F5: variants seen among roughly 807,000 people sequenced by gnomAD.
F5 encodes coagulation factor V.
A neutral mutation model predicts 216.4 loss-of-function variants in F5; 138 were observed. The ratio of observed to expected loss-of-function variants is 0.64; its 90% CI spans 0.56 to 0.73. The LOEUF (loss-of-function observed/expected upper bound fraction) is 0.73. Ranked by LOEUF, F5 falls within the 30% of genes least tolerant of loss-of-function variation. The pLI is 0.00. For synonymous variants in F5, 916 were observed against 930.7 expected (o/e 0.98, Z 0.29); for missense variants, 2,403 against 2,674.0 (o/e 0.90, Z 2.24).
chr1:169,551,675 A>G (rs959889983), intron 8 of F5, among the ~76,000 whole-genome samples: 3 of 152,238 alleles, frequency 2.0e-5, no homozygotes, highest in Admixed American at 2.0e-4. Context: ...AGGCTCTTTA[A>G]TCTGCAAAAG....
At chr1:169,583,780 AC>A (rs1443622949) in intron 1 of F5, among the ~76,000 whole-genome samples, 5 of 152,236 alleles carry the variant, frequency 3.3e-5, no homozygotes, top group African/African-American at 1.2e-4. Flanking sequence ...GAATACAGAA[AC>A]TGTGTTAATA....
At chr1:169,586,201 G>C in intron 1 of F5, 28 bp downstream of exon 1, 1 of 1,613,436 alleles carries the variant, frequency 6.2e-7, no homozygotes, top group African/African-American at 1.3e-5. Context: ...CTCTAGAGAA[G>C]CCCACCCGGA....
chr1:169,524,828 AC>A lies in F5; in HGVS notation c.5788+8del. 1 of 1,612,698 alleles carries A rather than the reference AC, an allele frequency of 6.2e-7. No individual in the cohort carries two copies. Among genetic ancestry groups the A allele is most frequent in the Non-Finnish European group, 8.5e-7 (1 of 1,178,772 alleles). ...GGTACCATTCACAGACCATGGTGCT[AC>A]AACTTACCCAGAAACTCTGAAGCCT... On this transcript the variant is annotated splice_region_variant and intron_variant, in intron 19 of 24. Coordinates refer to ENST00000367797, the MANE Select transcript of F5 (RefSeq NM_000130.5).
intron 14 of F5, among the ~76,000 whole-genome samples, chr1:169,534,966 G>C (rs1659672660): frequency 6.6e-6 from 1 of 152,088 alleles, no homozygotes; most frequent in Non-Finnish European, 1.5e-5. Context: ...TCACTTATAA[G>C]TGGGAGCTAA....
At chr1:169,560,246 A>G (rs1317121149) in intron 4 of F5, among the ~76,000 whole-genome samples, 3 of 152,188 alleles carry the variant, frequency 2.0e-5, no homozygotes, top group African/African-American at 2.4e-5. Flanking sequence ...TTTCTAAAAG[A>G]CTTTGGCCTT....
intron 5 of F5, among the ~76,000 whole-genome samples, chr1:169,558,922 G>A (rs1024177840): frequency 2.0e-5 from 3 of 151,680 alleles, no homozygotes; most frequent in African/African-American, 7.3e-5. Flanking sequence ...TACAGGCCAA[G>A]GTGAAACCTA....
At position 169,572,324 on chromosome 1, in the gene F5, T is replaced by C; in HGVS notation, c.270A>G (p.Leu90=). ...STISGLLGPT[L]YAEVGDIIKV... is the part of the protein sequence containing the mutation. Reference sequence around the variant, plus strand: ...TTATGATGTCTCCGACTTCAGCATATAAAGTAGGCCCAAGAAGTCCTGTGA... The same window carrying C: ...TTATGATGTCTCCGACTTCAGCATACAAAGTAGGCCCAAGAAGTCCTGTGA... The change falls in exon 3 of 25, where the codon TTA becomes TTG. Residue 90 remains leucine (L), a synonymous_variant. Coordinates refer to ENST00000367797, the MANE Select transcript of F5 (RefSeq NM_000130.5). 1 of 1,613,312 alleles carries C rather than the reference T, an allele frequency of 6.2e-7. No homozygotes were observed. Among genetic ancestry groups the C allele is most frequent in the Non-Finnish European group, 8.5e-7 (1 of 1,179,618 alleles).
chr1:169,584,456 T>C (rs1661057828), intron 1 of F5, among the ~76,000 whole-genome samples: 1 of 152,216 alleles, frequency 6.6e-6, no homozygotes, highest in Non-Finnish European at 1.5e-5. Context: ...TACATGTGAG[T>C]GACTAAACAA....
At chr1:169,548,292 A>G (rs910357308) in intron 10 of F5, among the ~76,000 whole-genome samples, 2 of 152,122 alleles carry the variant, frequency 1.3e-5, no homozygotes, top group Non-Finnish European at 2.9e-5. Flanking sequence ...GACCTCCATG[A>G]CACATGTTTA....
At chr1:169,581,300 T>C (rs192791206) in intron 2 of F5, among the ~76,000 whole-genome samples, 172 of 152,174 alleles carry the variant, frequency 1.1e-3, no homozygotes, top group Admixed American at 2.8e-3. Flanking sequence ...TTTGTGAGAG[T>C]AATTTTAGTA....
In F5 at chr1:169,525,057, T is replaced by C. The variant is rs550084724; in HGVS notation, c.5717-149A>G. Reference sequence around the variant, plus strand: ...GCCCTGACTTAAATATATCTGATTATAAAATGGTAAATGCACTAACAAGAC... The same window carrying C: ...GCCCTGACTTAAATATATCTGATTACAAAATGGTAAATGCACTAACAAGAC... On this transcript the variant is annotated intron_variant, in intron 18 of 24. Transcript: ENST00000367797. 1.9e-4 allele frequency: 128 copies of C among 659,286 alleles called. No homozygotes were observed. The South Asian group carries it at 2.2e-3, about 11-fold the overall frequency. 40.8% of individuals were successfully genotyped at this position (659,286 alleles called of 1,614,324 possible).
intron 1 of F5, among the ~76,000 whole-genome samples, chr1:169,585,771 T>C (rs1661091081): frequency 6.6e-6 from 1 of 152,192 alleles, no homozygotes; most frequent in Non-Finnish European, 1.5e-5. Context: ...AAGCACAAGG[T>C]GTTCATTTTT....
Position 169,529,665 on chromosome 1 carries a change from A to ACTTCTTTTCATAGTACCAGCT in F5, c.5341_5361dup (p.Trp1782_Ser1788dup). ...GATGTGAGTCTCCAAGAACTTCGGG[A>ACTTCTTTTCATAGTACCAGCT]CTTCTTTTCATAGTACCAGCTCTTC... On this transcript the variant is annotated inframe_insertion, in exon 16 of 25. Transcript: ENST00000367797. 4 of 1,613,832 alleles carry ACTTCTTTTCATAGTACCAGCT rather than the reference A, an allele frequency of 2.5e-6. No individual in the cohort carries two copies. Among genetic ancestry groups the ACTTCTTTTCATAGTACCAGCT allele is most frequent in the Non-Finnish European group, 3.4e-6 (4 of 1,179,808 alleles).
At chr1:169,548,371 A>G (rs1415367386) in intron 10 of F5, among the ~76,000 whole-genome samples, 2 of 152,196 alleles carry the variant, frequency 1.3e-5, no homozygotes, top group Non-Finnish European at 2.9e-5. Flanking sequence ...AAAAAGAAAA[A>G]AAAGTGCTGT....
At position 169,513,583 on chromosome 1, in the gene F5, G is replaced by T. The variant is rs185378646; in HGVS notation, c.*730C>A. On this transcript the variant is annotated 3_prime_UTR_variant, in exon 25 of 25. Transcript: ENST00000367797. ...CTGTTTTACAGGTCTGAGCTTTCCA[G>T]TAGGTGAAATTATGTTTTGAAACTG... is the stretch of plus-strand genomic sequence containing the variant. Among the ~76,000 whole-genome samples, 2 of 152,244 alleles carry T rather than the reference G, an allele frequency of 1.3e-5. No individual in the cohort carries two copies. Among genetic ancestry groups the T allele is most frequent in the East Asian group, 3.9e-4 (2 of 5,182 alleles).
In F5 at chr1:169,543,793, G is replaced by T. The variant is rs528119466; in HGVS notation, c.1975+503C>A. On this transcript the variant is annotated intron_variant, in intron 12 of 24. Coordinates refer to ENST00000367797, the MANE Select transcript of F5 (RefSeq NM_000130.5). ...TAACTCTGTGAGATGTGATTACACT[G>T]TTTTCCAGATAAATGACTTGTGGCT... Among the ~76,000 whole-genome samples, 16 of 152,276 alleles carry T rather than the reference G, an allele frequency of 1.1e-4. No homozygotes were observed. The East Asian group carries it at 2.1e-3, about 20-fold the overall frequency.
chr1:169,544,763 C>T (rs1406252220), intron 11 of F5, among the ~76,000 whole-genome samples: 1 of 152,192 alleles, frequency 6.6e-6, no homozygotes, highest in African/African-American at 2.4e-5. Context: ...TTGATTTAGT[C>T]ATTCATCAAA....
chr1:169,549,710 A>T, intron 10 of F5, 91 bp downstream of exon 10: 1 of 871,590 alleles, frequency 1.1e-6, no homozygotes, highest in Non-Finnish European at 1.9e-6. Flanking sequence ...CTCTTGAAGG[A>T]AATGCCCCAT....
intron 3 of F5, 142 bp downstream of exon 3, chr1:169,572,079 A>T: frequency 1.1e-6 from 1 of 937,872 alleles, no homozygotes; most frequent in Non-Finnish European, 1.6e-6. Context: ...CTCAAAACTT[A>T]CAACAGCAAC....
Sources: allele counts gnomAD v4.1 joint callset (sites outside exome capture counted in the v4.1 genomes callset), GRCh38; gene constraint gnomAD v4.1.1; transcripts MANE v1.5; gene names NCBI Gene and HGNC (gene_info 2026-07-23, HGNC 2026-07-21).